Variants in LRRIQ1 observed in about 807,000 individuals in gnomAD.
LRRIQ1 encodes leucine rich repeats and IQ motif containing 1.
Under a neutral mutation model 211.9 loss-of-function variants are expected in LRRIQ1, and 210 were observed. The observed-to-expected ratio is 0.99, with a 90% CI of 0.89 to 1.11. The LOEUF is 1.11. Ranked by LOEUF, LRRIQ1 falls within the 50% of genes most tolerant of loss-of-function variation. LRRIQ1 has a pLI of 0.00. For missense variants in LRRIQ1, 2,136 were observed against 1,939.5 expected, an observed-to-expected ratio of 1.10 and a Z score of -1.90; for synonymous variants, 699 against 650.1, an observed-to-expected ratio of 1.08 and a Z score of -1.14.
intron 18 of LRRIQ1, among the ~76,000 whole-genome samples, chr12:85,134,840 T>G (rs1036657847): frequency 1.3e-5 from 2 of 151,940 alleles, no homozygotes; most frequent in African/African-American, 4.8e-5. Flanking sequence ...GAACTACTGG[T>G]CAATATTGAC....
chr12:85,085,291 A>G (rs542941705), intron 11 of LRRIQ1, among the ~76,000 whole-genome samples: 33 of 152,316 alleles, frequency 2.2e-4, no homozygotes, highest in Admixed American at 1.2e-3. Flanking sequence ...TGGTTAAAGT[A>G]AGCAAAGGAA....
intron 19 of LRRIQ1, among the ~76,000 whole-genome samples, chr12:85,143,927 AT>A (rs1337255521): frequency 4.0e-5 from 6 of 151,590 alleles, no homozygotes; most frequent in African/African-American, 9.7e-5. Flanking sequence ...AAATTTTTAA[AT>A]TTTAGTTTCA....
Position 85,165,621 on chromosome 12 carries a change from C to T in LRRIQ1, c.4822+4907C>T, listed in dbSNP as rs1848197. Among the ~76,000 whole-genome samples the T allele has an allele frequency of 4.9e-3, 742 of 151,882 alleles. 3 individuals are homozygous for T. The highest frequency in any genetic ancestry group is 0.017 in the African/African-American group (701 of 41,450). On this transcript the variant is annotated intron_variant, in intron 24 of 26. Coordinates refer to ENST00000393217, the MANE Select transcript of LRRIQ1 (RefSeq NM_001079910.2). ...CCAAGTAGCTGGCATTACAGGCACA[C>T]GCCACCACGCCCAGCTAATTTCTTT...
At chr12:85,196,116 CA>C (rs1448679201) in intron 24 of LRRIQ1, among the ~76,000 whole-genome samples, 1 of 152,050 alleles carries the variant, frequency 6.6e-6, no homozygotes, top group Non-Finnish European at 1.5e-5. Flanking sequence ...ATCCAACTTA[CA>C]AGGGATGTGA....
chr12:85,072,267 C>T (rs761274873), intron 10 of LRRIQ1, among the ~76,000 whole-genome samples: 4 of 151,528 alleles, frequency 2.6e-5, no homozygotes, highest in Non-Finnish European at 5.9e-5. Context: ...AGTTTTATTG[C>T]TTTATAGCCA....
chr12:85,038,517 G>A (rs1341552448), intron 2 of LRRIQ1, among the ~76,000 whole-genome samples: 1 of 151,310 alleles, frequency 6.6e-6, no homozygotes, highest in African/African-American at 2.4e-5. Context: ...CCTGATTTTT[G>A]TTTTTACTTG....
At chr12:85,111,155 G>A (rs1220810584) in intron 15 of LRRIQ1, among the ~76,000 whole-genome samples, 1 of 152,082 alleles carries the variant, frequency 6.6e-6, no homozygotes, top group Non-Finnish European at 1.5e-5. Context: ...CAGAAACTCA[G>A]GCTGCTTCCA....
chr12:85,046,617 AG>A (rs1879617720), intron 5 of LRRIQ1, among the ~76,000 whole-genome samples: 1 of 152,210 alleles, frequency 6.6e-6, no homozygotes, highest in Non-Finnish European at 1.5e-5. Flanking sequence ...ATCTAGAATT[AG>A]AAATACCATT....
intron 19 of LRRIQ1, among the ~76,000 whole-genome samples, chr12:85,151,662 A>G (rs969209417): frequency 1.3e-5 from 2 of 151,626 alleles, no homozygotes; most frequent in Non-Finnish European, 3.0e-5. Flanking sequence ...AATTGGAGAA[A>G]TATGTCTTAA....
chr12:85,257,143 T>C (rs1456958865), intron 1 of LRRIQ1, among the ~76,000 whole-genome samples: 1 of 113,054 alleles, frequency 8.8e-6, no homozygotes, highest in Non-Finnish European at 1.8e-5. Flanking sequence ...ATATTATATA[T>C]TTATATGATT....
intron 24 of LRRIQ1, among the ~76,000 whole-genome samples, chr12:85,173,778 C>T (rs188406852): frequency 6.6e-6 from 1 of 152,058 alleles, no homozygotes; most frequent in Admixed American, 6.6e-5. Context: ...TTAAAGACTG[C>T]ATTACAAATA....
At chr12:85,109,812 T>C (rs903742193) in intron 15 of LRRIQ1, among the ~76,000 whole-genome samples, 1 of 152,162 alleles carries the variant, frequency 6.6e-6, no homozygotes, top group Non-Finnish European at 1.5e-5. Context: ...CCATACTGTG[T>C]GATCCTGGAC....
chr12:85,244,867 G>GA lies in LRRIQ1; in HGVS notation c.5105dup (p.Asn1702LysfsTer13), dbSNP rs5799725. 2.9e-4 allele frequency: 453 copies of GA among 1,552,814 alleles called. No individual in the cohort carries two copies. Among genetic ancestry groups the GA allele is most frequent in the African/African-American group, 4.3e-4 (31 of 71,834 alleles). ...TGGAAGTGCTTTGTCTGTGAACAGA[G>GA]AAAAAAAAAATCAGGCACACAGACA... On this transcript the variant is annotated frameshift_variant, in exon 27 of 27. Coordinates refer to ENST00000393217, the MANE Select transcript of LRRIQ1 (RefSeq NM_001079910.2). LOFTEE classifies it high-confidence loss of function.
chr12:85,246,393 A>T (rs1428151270), downstream of LRRIQ1, among the ~76,000 whole-genome samples: 1 of 151,366 alleles, frequency 6.6e-6, no homozygotes, highest in Non-Finnish European at 1.5e-5. Context: ...TACGCATTGC[A>T]TATTACAAAC....
Position 85,058,107 on chromosome 12 carries a change from C to T in LRRIQ1, c.2391+923C>T, listed in dbSNP as rs188972480. Among the ~76,000 whole-genome samples, 37 of 152,004 alleles carry T rather than the reference C, an allele frequency of 2.4e-4. No individual in the cohort carries two copies. The East Asian group carries it at 3.5e-3, about 14-fold the overall frequency. On this transcript the variant is annotated intron_variant, in intron 8 of 26. Transcript: ENST00000393217. ...TACGGAGCTTAAACACACATAAATA[C>T]GTTATTATGGATCTTGAGAATTGCT...
At chr12:85,154,163 T>C (rs879275087) in intron 23 of LRRIQ1, 69 bp downstream of exon 23, 30 of 802,312 alleles carry the variant, frequency 3.7e-5, no homozygotes, top group Non-Finnish European at 5.3e-5. Flanking sequence ...TTAAAATATA[T>C]TTTATAAATT....
At chr12:85,143,631 CATG>C (rs1463649184) in intron 19 of LRRIQ1, among the ~76,000 whole-genome samples, 1 of 151,638 alleles carries the variant, frequency 6.6e-6, no homozygotes, top group African/African-American at 2.4e-5. Flanking sequence ...TACTTTAACT[CATG>C]ATGTTTTTAG....
rs1890337853 is a variant in LRRIQ1, at chr12:85,153,081, C to G, written c.4477C>G (p.Gln1493Glu). ...ATTTAATTTACCAAGTAATCCAGCT[C>G]AAGCATGGTTATGTAATGACAAAGA... ...TSFNLPSNPA[Q>E]AWLCNDKENL... Residue 1493 changes from glutamine to glutamate, a missense_variant, in exon 21 of 27, where the codon CAA becomes GAA. Coordinates refer to ENST00000393217, the MANE Select transcript of LRRIQ1 (RefSeq NM_001079910.2). 1.3e-6 allele frequency: 2 copies of G among 1,587,406 alleles called. No individual in the cohort carries two copies. Among genetic ancestry groups the G allele is most frequent in the Non-Finnish European group, 1.7e-6 (2 of 1,162,938 alleles).
chr12:85,123,377 A>G (rs1341418875), intron 16 of LRRIQ1, among the ~76,000 whole-genome samples: 1 of 152,120 alleles, frequency 6.6e-6, no homozygotes, highest in South Asian at 2.1e-4. Context: ...ATTTTTAGAC[A>G]TGAAATAAAA....
Sources: gnomAD v4.1 joint callset for allele counts (sites outside exome capture counted in the v4.1 genomes callset) on GRCh38, gnomAD v4.1.1 for gene constraint, MANE v1.5 for transcripts, NCBI Gene and HGNC (gene_info 2026-07-23, HGNC 2026-07-21) for gene names.